Variants in LAMTOR3 observed in about 807,000 individuals in gnomAD.
LAMTOR3 encodes late endosomal/lysosomal adaptor, MAPK and MTOR activator 3, also known as ragulator complex protein LAMTOR3.
In LAMTOR3, 14 loss-of-function variants were observed where a neutral mutation model predicts 20.3. The ratio of observed to expected loss-of-function variants is 0.69; its 90% confidence interval spans 0.46 to 1.08. LAMTOR3 has a LOEUF of 1.08. LAMTOR3 is among the 50% of genes least tolerant of loss of function. The pLI is 0.00. For synonymous variants in LAMTOR3, 40 were observed against 49.4 expected, an observed-to-expected ratio of 0.81 and a Z score of 0.80; for missense variants, 125 against 143.7, an observed-to-expected ratio of 0.87 and a Z score of 0.67.
chr4:99,892,186 A>T (rs1411442979), intron 2 of LAMTOR3, 152 bp from the exon 3 acceptor site: 32 of 1,360,648 alleles, frequency 2.4e-5, no homozygotes, highest in Non-Finnish European at 3.0e-5. Context: ...GATGTTTACT[A>T]GTCACGCAAC....
At position 99,879,290 on chromosome 4, in the gene LAMTOR3, C is replaced by T. The variant is rs750938960; in HGVS notation, c.*2704G>A. The T allele has an allele frequency of 2.0e-5, 3 of 152,146 alleles. No individual in the cohort carries two copies. Among genetic ancestry groups the T allele is most frequent in the Non-Finnish European group, 4.4e-5 (3 of 68,010 alleles). The allele number at this position is 152,146 out of a possible 1,614,324, so 9.4% of individuals were successfully genotyped here. The stretch of plus-strand genomic sequence containing the variant: ...ACAGTTAATCTAGGTTTACATTACC[C>T]TTTCAAAAATTTCTTAGCAATTTTC... On this transcript the variant is annotated 3_prime_UTR_variant, in exon 7 of 7. Transcript: ENST00000499666.
chr4:99,885,453 G>T (rs780925171), intron 5 of LAMTOR3, 89 bp downstream of exon 5: 19 of 1,148,514 alleles, frequency 1.7e-5, no homozygotes, highest in Non-Finnish European at 1.9e-5. Context: ...AACTAAAATT[G>T]AGAACTATAA....
chr4:99,891,696 T>C (rs553460537), intron 3 of LAMTOR3, among the ~76,000 whole-genome samples: 44 of 152,144 alleles, frequency 2.9e-4, no homozygotes, highest in Non-Finnish European at 5.9e-4. Context: ...AATGCTGAAA[T>C]TTCAAATAGA....
intron 6 of LAMTOR3, among the ~76,000 whole-genome samples, chr4:99,883,296 A>G (rs145075096): frequency 2.4e-3 from 372 of 152,146 alleles, no homozygotes; most frequent in African/African-American, 8.4e-3. Flanking sequence ...TGACATAGCT[A>G]GAAGAACTTG....
At chr4:99,893,062 CTATTT>C (rs1242347879) in intron 2 of LAMTOR3, among the ~76,000 whole-genome samples, 8 of 152,162 alleles carry the variant, frequency 5.3e-5, no homozygotes, top group Non-Finnish European at 1.2e-4. Context: ...AAGTAGAAGA[CTATTT>C]TATTTTTCTA....
intron 5 of LAMTOR3, among the ~76,000 whole-genome samples, chr4:99,884,665 C>T (rs565852391): frequency 1.3e-5 from 2 of 152,214 alleles, no homozygotes; most frequent in African/African-American, 4.8e-5. Context: ...AAATATATAA[C>T]TTTTAAAATA....
At chr4:99,892,905 C>A (rs945352392) in intron 2 of LAMTOR3, among the ~76,000 whole-genome samples, 5 of 152,182 alleles carry the variant, frequency 3.3e-5, no homozygotes, top group African/African-American at 1.2e-4. Flanking sequence ...GTCTCGAACT[C>A]CTGACCTCAG....
chr4:99,882,069 T>C lies in LAMTOR3; in HGVS notation c.302-2A>G. The C allele has an allele frequency of 2.6e-6, 4 of 1,553,646 alleles. No homozygotes were observed. Among genetic ancestry groups the C allele is most frequent in the Non-Finnish European group, 3.5e-6 (4 of 1,149,706 alleles). The stretch of plus-strand genomic sequence containing the variant: ...CCTTTTCTAGGCTGACAATTAGTCC[T>C]AAAATAAAGAGATTAAGAAAATTAC... On this transcript the variant is annotated splice_acceptor_variant, in intron 6 of 6. Coordinates refer to ENST00000499666, the MANE Select transcript of LAMTOR3 (RefSeq NM_021970.4). LOFTEE classifies it high-confidence loss of function.
At chr4:99,889,236 A>C (rs1364254036) in intron 3 of LAMTOR3, among the ~76,000 whole-genome samples, 1 of 152,176 alleles carries the variant, frequency 6.6e-6, no homozygotes, top group Non-Finnish European at 1.5e-5. Context: ...AAATAAATAT[A>C]TTCTTCTAAG....
intron 5 of LAMTOR3, 96 bp from the exon 6 acceptor site, chr4:99,884,221 T>C (rs1305987747): frequency 5.5e-6 from 5 of 909,892 alleles, no homozygotes; most frequent in Non-Finnish European, 9.0e-6. Context: ...TTTAAAATCA[T>C]CAATGTTTTA....
rs953757545 is a variant in LAMTOR3, at chr4:99,878,466, A to C, written c.*3528T>G. The C allele has an allele frequency of 6.6e-6, 1 of 152,222 alleles. No homozygotes were observed. Among genetic ancestry groups the C allele is most frequent in the African/African-American group, 2.4e-5 (1 of 41,468 alleles). 9.4% of individuals were successfully genotyped at this position (152,222 alleles called of 1,614,324 possible). ...AAACTCAAAGTACAATGAAGTTTACAATGAAAAGGCTCACTCCTGGGATCC... is the reference window on the plus strand; with the variant it reads ...AAACTCAAAGTACAATGAAGTTTACCATGAAAAGGCTCACTCCTGGGATCC... On this transcript the variant is annotated 3_prime_UTR_variant, in exon 7 of 7. Transcript: ENST00000499666.
chr4:99,878,351 G>A lies in LAMTOR3; in HGVS notation c.*3643C>T, dbSNP rs1724749834. ...GTCCAACCGGTTCTGCTTCTTTGGA[G>A]AGCCCTGAGACAACTTTCTTCCCCA... is the stretch of plus-strand genomic sequence containing the variant. On this transcript the variant is annotated 3_prime_UTR_variant, in exon 7 of 7. Coordinates refer to ENST00000499666, the MANE Select transcript of LAMTOR3 (RefSeq NM_021970.4). The A allele has an allele frequency of 6.6e-6, 1 of 152,190 alleles. No individual in the cohort carries two copies. The highest frequency in any genetic ancestry group is 2.4e-5 in the African/African-American group (1 of 41,454). The allele number at this position is 152,190 out of a possible 1,614,324, so 9.4% of individuals were successfully genotyped here. A position where few individuals can be genotyped will look rare whatever the true frequency, so the allele number is the denominator to read the frequency against.
intron 3 of LAMTOR3, among the ~76,000 whole-genome samples, chr4:99,889,942 A>C (rs2110182641): frequency 6.6e-6 from 1 of 152,338 alleles, no homozygotes; most frequent in East Asian, 1.9e-4. Context: ...AAGAAAGTAG[A>C]AAAATTACTT....
chr4:99,884,714 C>T (rs1162931217), intron 5 of LAMTOR3, among the ~76,000 whole-genome samples: 3 of 152,114 alleles, frequency 2.0e-5, no homozygotes, highest in Admixed American at 1.3e-4. Context: ...TCTGTAATCC[C>T]AGCACTCTGG....
chr4:99,887,515 T>C (rs1724951228), intron 3 of LAMTOR3, among the ~76,000 whole-genome samples, 161 bp from the exon 4 acceptor site: 1 of 152,146 alleles, frequency 6.6e-6, no homozygotes, highest in Admixed American at 6.5e-5. Context: ...CTCCCAGAAA[T>C]TGAATCAATG....
chr4:99,883,659 G>T (rs936443341), intron 6 of LAMTOR3, among the ~76,000 whole-genome samples: 19 of 151,648 alleles, frequency 1.3e-4, no homozygotes, highest in African/African-American at 4.4e-4. Flanking sequence ...TTAATAGATT[G>T]GTCTGTAACT....
Position 99,881,809 on chromosome 4 carries a change from C to CAGT in LAMTOR3, c.*184_*185insACT, listed in dbSNP as rs1724832342. On this transcript the variant is annotated 3_prime_UTR_variant, in exon 7 of 7. Coordinates refer to ENST00000499666, the MANE Select transcript of LAMTOR3 (RefSeq NM_021970.4). ...ATCTCACTAAATAAGAAAGACCCTA[C>CAGT]ACCAGAAAATATAGCAACTGATCTA... 1 of 566,118 alleles carries CAGT rather than the reference C, an allele frequency of 1.8e-6. No individual in the cohort carries two copies. The highest frequency in any genetic ancestry group is 3.1e-6 in the Non-Finnish European group (1 of 319,388). The allele number at this position is 566,118 out of a possible 1,614,324, so 35.1% of individuals were successfully genotyped here. A position where few individuals can be genotyped will look rare whatever the true frequency, so the allele number is the denominator to read the frequency against.
rs1265495673 is a variant in LAMTOR3 at position 99,878,552 on chromosome 4, T to C, written c.*3442A>G. The C allele has an allele frequency of 6.6e-6, 1 of 152,212 alleles. No individual in the cohort carries two copies. 9.4% of individuals were successfully genotyped at this position (152,212 alleles called of 1,614,324 possible). ...CTACCAATGTGATCAGGTTCTTCCA[T>C]ATATGTCTTCAGAGACAGTCTACCA... On this transcript the variant is annotated 3_prime_UTR_variant, in exon 7 of 7. Coordinates refer to ENST00000499666, the MANE Select transcript of LAMTOR3 (RefSeq NM_021970.4).
intron 6 of LAMTOR3, among the ~76,000 whole-genome samples, chr4:99,883,530 A>G (rs543733853): frequency 1.2e-3 from 179 of 152,152 alleles, no homozygotes; most frequent in African/African-American, 4.2e-3. Flanking sequence ...GCTTCCTAGC[A>G]TTTGTTCTCA....
Sources: gnomAD v4.1 joint callset for allele counts (sites outside exome capture counted in the v4.1 genomes callset) on GRCh38, gnomAD v4.1.1 for gene constraint, MANE v1.5 for transcripts, NCBI Gene and HGNC (gene_info 2026-07-23, HGNC 2026-07-21) for gene names.